The following MRTFB variants were observed in gnomAD, a reference collection of about 807,000 sequenced individuals.
MRTFB encodes myocardin-related transcription factor B.
A neutral mutation model predicts 104.2 loss-of-function variants in MRTFB; 29 were observed. The ratio of observed to expected loss-of-function variants is 0.28; its 90% CI spans 0.21 to 0.38. MRTFB has a LOEUF of 0.38. Ranked by LOEUF, MRTFB falls within the 10% of genes least tolerant of loss-of-function variation. The pLI is 1.00. For synonymous variants in MRTFB, 535 were observed against 519.5 expected (o/e 1.03, Z -0.41); for missense variants, 1,270 against 1,341.6 (o/e 0.95, Z 0.83).
At chr16:14,119,533 A>T (rs1469823728) in intron 2 of MRTFB, among the ~76,000 whole-genome samples, 1 of 152,220 alleles carries the variant, frequency 6.6e-6, no homozygotes, top group African/African-American at 2.4e-5. Flanking sequence ...TTAGGCATTA[A>T]TGTCACTTTG....
intron 2 of MRTFB, among the ~76,000 whole-genome samples, chr16:14,111,103 C>T (rs2036245130): frequency 1.3e-5 from 2 of 152,096 alleles, no homozygotes; most frequent in African/African-American, 2.4e-5. Flanking sequence ...TCTGTAACTT[C>T]CTTTGTTTCT....
chr16:14,099,405 A>G (rs2035574123), intron 2 of MRTFB, among the ~76,000 whole-genome samples: 1 of 149,086 alleles, frequency 6.7e-6, no homozygotes, highest in Non-Finnish European at 1.5e-5. Flanking sequence ...TTTAAGACAG[A>G]GGGTCTGTCA....
In MRTFB at chr16:14,242,517, T is replaced by C. The variant is rs372469410; in HGVS notation, c.1079+2033T>C. Reference sequence around the variant, plus strand: ...ATTGTTTATATTTATCAAAATTCCATTACAAGAAACTGAATGTGGAAGTCA... The same window carrying C: ...ATTGTTTATATTTATCAAAATTCCACTACAAGAAACTGAATGTGGAAGTCA... On this transcript the variant is annotated intron_variant, in intron 10 of 16. Coordinates refer to ENST00000571589, the MANE Select transcript of MRTFB (RefSeq NM_001308142.2). Among the ~76,000 whole-genome samples the C allele has an allele frequency of 3.9e-5, 6 of 152,292 alleles. 1 individual carries two copies. The highest frequency in any genetic ancestry group is 1.4e-4 in the African/African-American group (6 of 41,558).
chr16:14,089,082 T>G (rs1323302455), intron 2 of MRTFB, among the ~76,000 whole-genome samples: 1 of 152,182 alleles, frequency 6.6e-6, no homozygotes, highest in Admixed American at 6.5e-5. Context: ...GCAAGCAGAG[T>G]GATTCAACCA....
Position 14,140,565 on chromosome 16 carries a change from A to C in MRTFB, c.-42A>C, listed in dbSNP as rs1186789659. The C allele has an allele frequency of 6.2e-7, 1 of 1,609,424 alleles. No individual in the cohort carries two copies. The highest frequency in any genetic ancestry group is 1.7e-5 in the Admixed American group (1 of 59,774). ...GCAGTGTCTTCAATAGGCCGTGTTT[A>C]AGAGGCGTCTTACACTCCCTGTTGC... On this transcript the variant is annotated 5_prime_UTR_variant, in exon 3 of 17. Coordinates refer to ENST00000571589, the MANE Select transcript of MRTFB (RefSeq NM_001308142.2).
intron 8 of MRTFB, among the ~76,000 whole-genome samples, chr16:14,219,778 A>G (rs1047926851): frequency 3.3e-5 from 5 of 152,080 alleles, no homozygotes; most frequent in Admixed American, 6.5e-5. Context: ...AAATATGTTT[A>G]TTTGTTTGTT....
At chr16:14,119,650 G>A (rs888643015) in intron 2 of MRTFB, among the ~76,000 whole-genome samples, 1 of 151,806 alleles carries the variant, frequency 6.6e-6, no homozygotes, top group Non-Finnish European at 1.5e-5. Context: ...ACCTTTTTTT[G>A]TTGGAATTTT....
chr16:14,046,035 C>T, the MRTFB span, among the ~76,000 whole-genome samples: 5 of 152,182 alleles, frequency 3.3e-5, no homozygotes, highest in Middle Eastern at 3.4e-3. Context: ...TTGGGGCTGG[C>T]GTCTACTTTG....
chr16:14,029,752 A>T, the MRTFB span, among the ~76,000 whole-genome samples: 1 of 152,064 alleles, frequency 6.6e-6, no homozygotes, highest in African/African-American at 2.4e-5. Context: ...TCTAAGAGTC[A>T]CTGTCCAGCT....
chr16:14,221,488 A>G (rs986827618), intron 8 of MRTFB, among the ~76,000 whole-genome samples: 3 of 152,190 alleles, frequency 2.0e-5, no homozygotes, highest in Admixed American at 2.0e-4. Flanking sequence ...TTAATGCATG[A>G]CAGATCCTTG....
At chr16:14,139,012 A>G (rs2037864173) in intron 2 of MRTFB, among the ~76,000 whole-genome samples, 1 of 152,222 alleles carries the variant, frequency 6.6e-6, no homozygotes, top group African/African-American at 2.4e-5. Flanking sequence ...ACCTTGAGCT[A>G]ATCAAAGATT....
the MRTFB span, among the ~76,000 whole-genome samples, chr16:14,056,376 T>C: frequency 6.6e-6 from 1 of 152,178 alleles, no homozygotes; most frequent in African/African-American, 2.4e-5. Context: ...TCCTTTCTTA[T>C]TATTATGGAC....
At chr16:14,200,321 C>T (rs1251143304) in intron 3 of MRTFB, 7 of 1,606,584 alleles carry the variant, frequency 4.4e-6, no homozygotes, top group Admixed American at 1.7e-5. Flanking sequence ...GCTGCGCTGA[C>T]GTGGCTCCCG....
the MRTFB span, among the ~76,000 whole-genome samples, chr16:14,024,901 G>C: frequency 1.3e-5 from 2 of 152,220 alleles, no homozygotes; most frequent in Non-Finnish European, 2.9e-5. Flanking sequence ...AAGACACAGA[G>C]AAGTTATGTA....
chr16:14,114,842 C>T (rs2036455045), intron 2 of MRTFB, among the ~76,000 whole-genome samples: 1 of 152,190 alleles, frequency 6.6e-6, no homozygotes, highest in South Asian at 2.1e-4. Flanking sequence ...TGCTTCCTGT[C>T]CAAATCCATA....
chr16:14,237,830 G>A (rs1190466736), intron 9 of MRTFB, among the ~76,000 whole-genome samples: 1 of 152,208 alleles, frequency 6.6e-6, no homozygotes, highest in African/African-American at 2.4e-5. Context: ...TGACAGTGAG[G>A]ATGGGGGTGA....
At chr16:14,212,217 T>G (rs941116625) in intron 4 of MRTFB, 137 bp from the exon 5 acceptor site, 2 of 745,168 alleles carry the variant, frequency 2.7e-6, no homozygotes, top group African/African-American at 1.7e-5. Flanking sequence ...ATTTTGCAGG[T>G]CTCCTAATGG....
intron 15 of MRTFB, among the ~76,000 whole-genome samples, chr16:14,257,657 A>G (rs768742464): frequency 4.6e-5 from 7 of 152,218 alleles, no homozygotes; most frequent in Non-Finnish European, 1.0e-4. Context: ...TTATGGTTTC[A>G]TGGGTATATT....
intron 3 of MRTFB, chr16:14,143,897 C>T (rs940691436): frequency 2.6e-5 from 4 of 152,174 alleles, no homozygotes; most frequent in African/African-American, 9.7e-5. Flanking sequence ...AGGTTACCCT[C>T]CCAATCTTGT....
Sources: allele counts gnomAD v4.1 joint callset (sites outside exome capture counted in the v4.1 genomes callset), GRCh38; gene constraint gnomAD v4.1.1; transcripts MANE v1.5; gene names NCBI Gene and HGNC (gene_info 2026-07-23, HGNC 2026-07-21).